Variants in LIMD1 observed in about 807,000 individuals in gnomAD.
LIMD1 encodes LIM domain-containing protein 1.
LIMD1 carries 23 observed loss-of-function variants against 58.4 expected under a neutral mutation model. The ratio of observed to expected loss-of-function variants is 0.39; its 90% CI spans 0.28 to 0.56. LIMD1 has a LOEUF of 0.56. LIMD1 is among the 20% of genes least tolerant of loss of function. LIMD1 has a pLI of 0.57. For missense variants in LIMD1, 838 were observed against 855.5 expected (o/e 0.98, Z 0.25); for synonymous variants, 334 against 345.5 (o/e 0.97, Z 0.37).
intron 2 of LIMD1, among the ~76,000 whole-genome samples, chr3:45,652,095 T>C (rs1701979480): frequency 6.6e-6 from 1 of 151,814 alleles, no homozygotes; most frequent in Non-Finnish European, 1.5e-5. Flanking sequence ...CCTGGCTAAT[T>C]TTTGTATTTT....
chr3:45,604,702 G>A (rs1011537818), intron 1 of LIMD1, among the ~76,000 whole-genome samples: 4 of 152,142 alleles, frequency 2.6e-5, no homozygotes, highest in Admixed American at 6.5e-5. Flanking sequence ...CCAGTGCTGT[G>A]CTGCCAATGC....
In LIMD1 at chr3:45,685,005, C is replaced by G. The variant is rs1266496093; in HGVS notation, c.*7946C>G. On this transcript the variant is annotated 3_prime_UTR_variant, in exon 8 of 8. Coordinates refer to ENST00000273317, the MANE Select transcript of LIMD1 (RefSeq NM_014240.3). ...TATCTGCCTAAATTTTTTTTAACTA[C>G]TATATTAAAAGGTCTGTAAGTGGGA... The G allele has an allele frequency of 6.6e-6, 1 of 152,100 alleles. No individual in the cohort carries two copies. The highest frequency in any genetic ancestry group is 2.4e-5 in the African/African-American group (1 of 41,404). The allele number at this position is 152,100 out of a possible 1,614,324, so 9.4% of individuals were successfully genotyped here. A position where few individuals can be genotyped will look rare whatever the true frequency, so the allele number is the denominator to read the frequency against.
At chr3:45,659,627 G>A (rs1218639602) in intron 2 of LIMD1, among the ~76,000 whole-genome samples, 1 of 150,694 alleles carries the variant, frequency 6.6e-6, no homozygotes, top group Non-Finnish European at 1.5e-5. Context: ...ATATATATAT[G>A]CTATATATAA....
chr3:45,652,203 A>G (rs1183168456), intron 2 of LIMD1, among the ~76,000 whole-genome samples: 2 of 152,238 alleles, frequency 1.3e-5, no homozygotes, highest in African/African-American at 2.4e-5. Flanking sequence ...CTGGCATTAC[A>G]GGTGAGAGCC....
At chr3:45,600,252 G>C (rs1701398121) in intron 1 of LIMD1, among the ~76,000 whole-genome samples, 1 of 152,210 alleles carries the variant, frequency 6.6e-6, no homozygotes, top group African/African-American at 2.4e-5. Context: ...GCAAAGCAAA[G>C]TAGATGTTTG....
intron 1 of LIMD1, among the ~76,000 whole-genome samples, chr3:45,603,714 G>T (rs931723458): frequency 1.3e-5 from 2 of 151,994 alleles, no homozygotes; most frequent in Non-Finnish European, 2.9e-5. Context: ...TATTGCTTAG[G>T]CTGGTTTTGA....
At chr3:45,635,727 C>T (rs1269949830) in intron 1 of LIMD1, among the ~76,000 whole-genome samples, 2 of 90,958 alleles carry the variant, frequency 2.2e-5, no homozygotes, top group African/African-American at 4.5e-5. Context: ...TCAAGATCCC[C>T]GTCTCAAAAA....
chr3:45,595,045 C>T lies in LIMD1; in HGVS notation c.166C>T (p.His56Tyr), dbSNP rs1199744444. The change falls in exon 1 of 8, where the codon CAC becomes TAC. Residue 56 changes from histidine (H) to tyrosine (Y), a missense_variant. Physicochemically the swap from His to Tyr is moderately conservative, Grantham distance 83. Around this residue, in one of 3 missense-constraint regions of LIMD1, gnomAD observed 659 missense variants for 639.8 expected, o/e 1.03. Coordinates refer to ENST00000273317, the MANE Select transcript of LIMD1 (RefSeq NM_014240.3). ...RVFATKMAKI[H>Y]LQQQQQQLLQ... is the part of the protein sequence containing the mutation. ...GTTCGCCACCAAGATGGCCAAAATC[C>T]ACCTCCAGCAGCAGCAGCAGCAGCT... 1 of 1,613,708 alleles carries T rather than the reference C, an allele frequency of 6.2e-7. No homozygotes were observed. Among genetic ancestry groups the T allele is most frequent in the African/African-American group, 1.3e-5 (1 of 74,910 alleles).
chr3:45,639,345 G>A (rs1701818773), intron 2 of LIMD1, among the ~76,000 whole-genome samples: 1 of 152,196 alleles, frequency 6.6e-6, no homozygotes, highest in South Asian at 2.1e-4. Context: ...TTTGAATTAG[G>A]GAAGCTGTTG....
intron 4 of LIMD1, among the ~76,000 whole-genome samples, chr3:45,672,064 C>T (rs531931007): frequency 2.0e-5 from 3 of 152,226 alleles, no homozygotes; most frequent in East Asian, 1.9e-4. Context: ...CCCTCTATTG[C>T]GTTTAAAAAC....
rs1701322802 is a variant in LIMD1 at position 45,594,828 on chromosome 3, C to CACACACACACACACAA, written c.-37_-36insAACACACACACACACA. On this transcript the variant is annotated 5_prime_UTR_variant, in exon 1 of 8. Coordinates refer to ENST00000273317, the MANE Select transcript of LIMD1 (RefSeq NM_014240.3). ...ACACACACACACACACACACACACA[C>CACACACACACACACAA]ACACACACACACACACGGCACCTGG... is the stretch of plus-strand genomic sequence containing the variant. 5 of 894,920 alleles carry CACACACACACACACAA rather than the reference C, an allele frequency of 5.6e-6. No homozygotes were observed. Among genetic ancestry groups the CACACACACACACACAA allele is most frequent in the Non-Finnish European group, 6.8e-6 (4 of 590,428 alleles). The allele number at this position is 894,920 out of a possible 1,614,324, so 55.4% of individuals were successfully genotyped here. A position where few individuals can be genotyped will look rare whatever the true frequency, so the allele number is the denominator to read the frequency against.
At chr3:45,657,426 C>T (rs1415456994) in intron 2 of LIMD1, among the ~76,000 whole-genome samples, 1 of 150,428 alleles carries the variant, frequency 6.6e-6, no homozygotes, top group African/African-American at 2.4e-5. Context: ...TTTGGGAGGC[C>T]AAGGCGGGAG....
intron 7 of LIMD1, 79 bp from the exon 8 acceptor site, chr3:45,676,843 T>G: frequency 1.8e-5 from 24 of 1,349,014 alleles, no homozygotes; most frequent in Non-Finnish European, 1.9e-5. Context: ...CCTCTGCTGA[T>G]TTTGGGGACT....
chr3:45,628,387 C>T (rs77194734), intron 1 of LIMD1, among the ~76,000 whole-genome samples: 15,747 of 152,180 alleles, frequency 0.1, 1,122 homozygotes, highest in Middle Eastern at 0.19. Context: ...GACAAATAAG[C>T]AGGTGAAAAG....
At chr3:45,652,315 A>G (rs1028795634) in intron 2 of LIMD1, among the ~76,000 whole-genome samples, 6 of 152,226 alleles carry the variant, frequency 3.9e-5, no homozygotes, top group African/African-American at 1.2e-4. Context: ...GTTGCTACTT[A>G]ACATTTCCAA....
intron 1 of LIMD1, among the ~76,000 whole-genome samples, chr3:45,632,282 A>G (rs529424193): frequency 6.0e-4 from 92 of 152,224 alleles, no homozygotes; most frequent in South Asian, 5.4e-3. Context: ...CCAAACAATA[A>G]CCTAACTCAT....
intron 2 of LIMD1, among the ~76,000 whole-genome samples, chr3:45,645,665 G>A (rs950098949): frequency 6.6e-6 from 1 of 152,196 alleles, no homozygotes; most frequent in African/African-American, 2.4e-5. Context: ...AGAGTCCTGG[G>A]TTAGGGAGTA....
At chr3:45,603,777 C>T (rs1183518396) in intron 1 of LIMD1, among the ~76,000 whole-genome samples, 1 of 152,180 alleles carries the variant, frequency 6.6e-6, no homozygotes, top group Non-Finnish European at 1.5e-5. Context: ...GCTGGGATTA[C>T]AGTCGTGAGC....
rs1697788592 is a variant in LIMD1, at chr3:45,684,667, C to T, written c.*7608C>T. ...ATAGAGCCCAAGGGATTGGTTTGAC[C>T]AGGTGTGCCATTTACATAGCCCTCG... On this transcript the variant is annotated 3_prime_UTR_variant, in exon 8 of 8. Transcript: ENST00000273317. The T allele has an allele frequency of 6.6e-6, 1 of 152,176 alleles. No individual in the cohort carries two copies. Among genetic ancestry groups the T allele is most frequent in the African/African-American group, 2.4e-5 (1 of 41,442 alleles). The allele number at this position is 152,176 out of a possible 1,614,324, so 9.4% of individuals were successfully genotyped here.
Sources: allele counts gnomAD v4.1 joint callset (sites outside exome capture counted in the v4.1 genomes callset), GRCh38; gene constraint gnomAD v4.1.1; regional missense constraint gnomAD v4.1.1; transcripts MANE v1.5; gene names NCBI Gene and HGNC (gene_info 2026-07-23, HGNC 2026-07-21).